FREM1: variants seen among roughly 807,000 people sequenced by gnomAD.
FREM1 encodes FRAS1 related extracellular matrix 1, also known as FRAS1-related extracellular matrix protein 1.
FREM1 carries 220 observed loss-of-function variants against 210.1 expected under a neutral mutation model. That is an observed-to-expected ratio of 1.05 (90% CI 0.94 to 1.17). The LOEUF (loss-of-function observed/expected upper bound fraction) is 1.17. Among genes scored for constraint, FREM1 ranks in the 50% most tolerant of loss-of-function variants. The probability of loss-of-function intolerance (pLI) is 0.00; values close to 1 mark genes in which losing one functional copy is unlikely to be tolerated. For synonymous variants in FREM1, 1,189 were observed against 980.2 expected, an observed-to-expected ratio of 1.21 and a Z score of -3.98; for missense variants, 3,454 against 2,675.5, an observed-to-expected ratio of 1.29 and a Z score of -6.42.
intron 1 of FREM1, among the ~76,000 whole-genome samples, chr9:14,874,665 A>T (rs1302234749): frequency 6.6e-6 from 1 of 151,966 alleles, no homozygotes; most frequent in African/African-American, 2.4e-5. Flanking sequence ...TAGTCCATTG[A>T]CATTTAAACT....
At chr9:14,790,378 G>A (rs1014462145) in intron 22 of FREM1, among the ~76,000 whole-genome samples, 1 of 152,122 alleles carries the variant, frequency 6.6e-6, no homozygotes, top group Non-Finnish European at 1.5e-5. Flanking sequence ...TCACTGGATG[G>A]AAGTTAATTA....
chr9:14,759,915 G>T lies in FREM1; in HGVS notation c.5205-14C>A. The T allele has an allele frequency of 6.2e-7, 1 of 1,600,664 alleles. No homozygotes were observed. The highest frequency in any genetic ancestry group is 1.1e-5 in the South Asian group (1 of 88,236). On this transcript the variant is annotated splice_polypyrimidine_tract_variant and intron_variant, in intron 27 of 36. Coordinates refer to ENST00000380880, the MANE Select transcript of FREM1 (RefSeq NM_001379081.2). Reference sequence around the variant, plus strand: ...TTCAGTTCCAAACTGTGTGTGAAAGGAAAAGAGAAATCATGAGAATGCATA... The same window carrying T: ...TTCAGTTCCAAACTGTGTGTGAAAGTAAAAGAGAAATCATGAGAATGCATA...
chr9:14,753,966 CT>C (rs1347322322), intron 29 of FREM1, among the ~76,000 whole-genome samples: 8 of 152,114 alleles, frequency 5.3e-5, no homozygotes, highest in Non-Finnish European at 1.2e-4. Flanking sequence ...TTAGTATCTA[CT>C]CAAAACAGCA....
intron 1 of FREM1, among the ~76,000 whole-genome samples, chr9:14,895,835 C>T (rs374584602): frequency 2.6e-5 from 4 of 152,200 alleles, no homozygotes; most frequent in East Asian, 1.9e-4. Flanking sequence ...AATATCATCA[C>T]CCCTATTCAG....
In FREM1 at chr9:14,816,884, T is replaced by C. The variant is rs1588147657; in HGVS notation, c.2547-13A>G. 9 of 1,093,010 alleles carry C rather than the reference T, an allele frequency of 8.2e-6. No homozygotes were observed. The highest frequency in any genetic ancestry group is 2.2e-5 in the Admixed American group (1 of 45,634). The allele number at this position is 1,093,010 out of a possible 1,614,324, so 67.7% of individuals were successfully genotyped here. On this transcript the variant is annotated splice_polypyrimidine_tract_variant and intron_variant, in intron 14 of 36. Coordinates refer to ENST00000380880, the MANE Select transcript of FREM1 (RefSeq NM_001379081.2). ...ATCATGTTGATACCTGTGGGGATAA[T>C]ATTTGTCACCAACCTCTTAGGAACA...
At chr9:14,809,390 C>A (rs1818976430) in intron 16 of FREM1, among the ~76,000 whole-genome samples, 1 of 152,180 alleles carries the variant, frequency 6.6e-6, no homozygotes, top group Non-Finnish European at 1.5e-5. Context: ...TACAAAAGAT[C>A]AGGGACATCC....
intron 22 of FREM1, chr9:14,790,774 G>A (rs1012722106): frequency 6.6e-6 from 1 of 152,324 alleles, no homozygotes; most frequent in East Asian, 1.9e-4. Flanking sequence ...CTGCTAGGGA[G>A]CTGGGAGAGA....
chr9:14,742,150 G>A (rs1257395311), intron 35 of FREM1, among the ~76,000 whole-genome samples: 1 of 152,008 alleles, frequency 6.6e-6, no homozygotes, highest in Non-Finnish European at 1.5e-5. Flanking sequence ...TGTATATATG[G>A]ATATAAAATT....
chr9:14,787,959 T>C (rs1478156706), intron 23 of FREM1, among the ~76,000 whole-genome samples: 6 of 152,200 alleles, frequency 3.9e-5, no homozygotes, highest in Admixed American at 3.9e-4. Context: ...CACAGCTCAA[T>C]GTAAACATCT....
chr9:14,757,011 G>T (rs1238825496), intron 28 of FREM1, among the ~76,000 whole-genome samples: 1 of 152,160 alleles, frequency 6.6e-6, no homozygotes, highest in Admixed American at 6.5e-5. Context: ...TGAAAGGAGA[G>T]TTTTGTGGAA....
chr9:14,883,709 T>A (rs1001325989), intron 1 of FREM1, among the ~76,000 whole-genome samples: 1 of 152,218 alleles, frequency 6.6e-6, no homozygotes, highest in Non-Finnish European at 1.5e-5. Context: ...ACAGCCAACT[T>A]CTACATGAAA....
chr9:14,843,471 C>T (rs746967613), intron 8 of FREM1, among the ~76,000 whole-genome samples: 5 of 151,308 alleles, frequency 3.3e-5, no homozygotes, highest in Non-Finnish European at 5.9e-5. Flanking sequence ...AGCCAATTCC[C>T]AGAATAAATC....
rs1391117493 is a variant in FREM1, at chr9:14,866,467, GC to G, written c.234+2276del. Among the ~76,000 whole-genome samples the G allele has an allele frequency of 2.0e-5, 3 of 152,260 alleles. No individual in the cohort carries two copies. The South Asian group carries it at 6.2e-4, about 32-fold the overall frequency. On this transcript the variant is annotated intron_variant, in intron 2 of 36. Transcript: ENST00000380880. ...GGCCATTTGAGGTAGGGAGAGGAGA[GC>G]TCTCAGAGGCTGGCTTAGGTAACAA...
intron 16 of FREM1, among the ~76,000 whole-genome samples, chr9:14,810,463 T>C (rs879889283): frequency 2.0e-5 from 3 of 152,092 alleles, no homozygotes; most frequent in African/African-American, 7.2e-5. Context: ...AAAAAAAAAT[T>C]TGAGGGAAGA....
intron 5 of FREM1, among the ~76,000 whole-genome samples, chr9:14,855,020 T>C (rs897758381): frequency 6.6e-6 from 1 of 152,108 alleles, no homozygotes; most frequent in Non-Finnish European, 1.5e-5. Flanking sequence ...AATTGGATAC[T>C]GATAAAAATC....
chr9:14,765,266 T>C (rs1021037925), intron 27 of FREM1, among the ~76,000 whole-genome samples: 3 of 152,196 alleles, frequency 2.0e-5, no homozygotes, highest in Non-Finnish European at 4.4e-5. Context: ...CTTTTTCTCT[T>C]GATAATGGGG....
At chr9:14,738,385 T>C (rs1840795369) in intron 36 of FREM1, among the ~76,000 whole-genome samples, 1 of 152,194 alleles carries the variant, frequency 6.6e-6, no homozygotes, top group East Asian at 1.9e-4. Flanking sequence ...CAACTGTTTT[T>C]CAGTCTGTAT....
chr9:14,902,889 A>T (rs1839033064), intron 1 of FREM1, among the ~76,000 whole-genome samples: 1 of 152,214 alleles, frequency 6.6e-6, no homozygotes, highest in Admixed American at 6.5e-5. Context: ...AGAATTTGGA[A>T]GACCAGCTTA....
rs543975498 is a variant in FREM1, at chr9:14,749,501, TAA to T, written c.5557+624_5557+625del. ...TATGGTACGAACACTCGTCAAATGC[TAA>T]AAAGACAAGTAACTAAAAGGCATTT... On this transcript the variant is annotated intron_variant, in intron 30 of 36. Transcript: ENST00000380880. 4.5e-3 allele frequency among the ~76,000 whole-genome samples: 679 copies of T among 152,224 alleles called. 5 individuals carry two copies. The highest frequency in any genetic ancestry group is 0.014 in the Middle Eastern group (4 of 294).
Sources: gnomAD v4.1 joint callset for allele counts (sites outside exome capture counted in the v4.1 genomes callset) on GRCh38, gnomAD v4.1.1 for gene constraint, MANE v1.5 for transcripts, NCBI Gene and HGNC (gene_info 2026-07-23, HGNC 2026-07-21) for gene names.